Variants in NIPAL2 observed in about 807,000 individuals in gnomAD.
The protein encoded by NIPAL2 is NIPA like domain containing 2, also known as NIPA-like protein 2.
In NIPAL2, 43 loss-of-function variants were observed where a neutral mutation model predicts 48.9. The observed-to-expected ratio is 0.88, with a 90% CI of 0.69 to 1.13. NIPAL2 has a LOEUF of 1.13. Among genes scored for constraint, NIPAL2 ranks in the 50% most tolerant of loss-of-function variants. The probability of loss-of-function intolerance (pLI) is 0.00; values close to 1 mark genes in which losing one functional copy is unlikely to be tolerated. For missense variants in NIPAL2, 446 were observed against 461.4 expected (o/e 0.97, Z 0.31); for synonymous variants, 167 against 174.6 (o/e 0.96, Z 0.34).
intron 3 of NIPAL2, among the ~76,000 whole-genome samples, chr8:98,238,566 C>A (rs907055260): frequency 6.6e-6 from 1 of 151,600 alleles, no homozygotes; most frequent in South Asian, 2.1e-4. Flanking sequence ...AAGTCCACAC[C>A]AGAAACCCTC....
At chr8:98,225,396 T>C (rs1812118850) in intron 4 of NIPAL2, among the ~76,000 whole-genome samples, 1 of 152,216 alleles carries the variant, frequency 6.6e-6, no homozygotes, top group Non-Finnish European at 1.5e-5. Flanking sequence ...CTAAAAGTGG[T>C]ATGAAACGTC....
At chr8:98,229,127 A>G (rs1262335346) in intron 4 of NIPAL2, among the ~76,000 whole-genome samples, 2 of 152,204 alleles carry the variant, frequency 1.3e-5, no homozygotes, top group Non-Finnish European at 2.9e-5. Context: ...ATGGGATGCC[A>G]TCCTCTGCCC....
intron 3 of NIPAL2, among the ~76,000 whole-genome samples, chr8:98,248,504 C>T (rs1331187568): frequency 1.3e-5 from 2 of 152,212 alleles, no homozygotes; most frequent in African/African-American, 4.8e-5. Flanking sequence ...ATGGGAACTA[C>T]TTTCATTCCC....
intron 1 of NIPAL2, among the ~76,000 whole-genome samples, chr8:98,291,358 C>CT (rs1816479441): frequency 6.6e-6 from 1 of 152,132 alleles, no homozygotes. Flanking sequence ...CTGCAGTGCC[C>CT]TACACTGTGC....
At chr8:98,229,601 C>T (rs1417629288) in intron 4 of NIPAL2, among the ~76,000 whole-genome samples, 1 of 152,146 alleles carries the variant, frequency 6.6e-6, no homozygotes, top group Non-Finnish European at 1.5e-5. Flanking sequence ...TGGTCTCGAA[C>T]TCCTGGTCTC....
chr8:98,265,291 T>G (rs1337324570), intron 1 of NIPAL2, among the ~76,000 whole-genome samples: 1 of 150,984 alleles, frequency 6.6e-6, no homozygotes, highest in African/African-American at 2.4e-5. Context: ...AGGATCTAAT[T>G]AAACTAAAGA....
chr8:98,202,705 C>T (rs971297010), intron 8 of NIPAL2, among the ~76,000 whole-genome samples: 1 of 152,148 alleles, frequency 6.6e-6, no homozygotes, highest in African/African-American at 2.4e-5. Context: ...GGCAAATAAA[C>T]CTCTTTTAAA....
intron 1 of NIPAL2, among the ~76,000 whole-genome samples, chr8:98,258,254 G>T (rs1814027939): frequency 6.6e-6 from 1 of 152,156 alleles, no homozygotes; most frequent in African/African-American, 2.4e-5. Context: ...GGGAGTTTGT[G>T]TTTAATGGGT....
intron 3 of NIPAL2, among the ~76,000 whole-genome samples, chr8:98,242,488 ATTTTTT>A (rs568464494): frequency 2.5e-5 from 3 of 117,782 alleles, no homozygotes; most frequent in Non-Finnish European, 5.1e-5. Context: ...CACCTGACAG[ATTTTTT>A]TTTTTTTTTT....
intron 1 of NIPAL2, among the ~76,000 whole-genome samples, chr8:98,260,915 C>A (rs1814278002): frequency 6.6e-6 from 1 of 151,712 alleles, no homozygotes; most frequent in South Asian, 2.1e-4. Flanking sequence ...GTTCTCCCAG[C>A]ACGCAGCTGG....
At chr8:98,196,229 T>C (rs1810539160) in intron 8 of NIPAL2, among the ~76,000 whole-genome samples, 1 of 152,222 alleles carries the variant, frequency 6.6e-6, no homozygotes, top group Non-Finnish European at 1.5e-5. Context: ...TTATCATTAT[T>C]ATAAAAGAAA....
At chr8:98,283,673 G>C (rs1312447777) in intron 1 of NIPAL2, among the ~76,000 whole-genome samples, 1 of 152,164 alleles carries the variant, frequency 6.6e-6, no homozygotes, top group Non-Finnish European at 1.5e-5. Context: ...GCAAAAGCTG[G>C]ATGCTGTGAG....
intron 10 of NIPAL2, chr8:98,193,296 A>T (rs1387944646): frequency 1.2e-5 from 17 of 1,441,532 alleles, no homozygotes; most frequent in Non-Finnish European, 1.7e-5. Context: ...TCTGTGTCAG[A>T]GCCACTATCC....
intron 1 of NIPAL2, among the ~76,000 whole-genome samples, chr8:98,267,878 T>C (rs1191536197): frequency 6.6e-6 from 1 of 152,130 alleles, no homozygotes; most frequent in East Asian, 1.9e-4. Context: ...AGGCAAAAAT[T>C]TAGAGATTTA....
intron 1 of NIPAL2, among the ~76,000 whole-genome samples, chr8:98,267,297 A>G (rs1176287141): frequency 3.3e-5 from 5 of 151,778 alleles, no homozygotes; most frequent in Non-Finnish European, 7.4e-5. Flanking sequence ...TTACAGATGT[A>G]GGTACAACTA....
At chr8:98,285,292 T>A (rs1816087844) in intron 1 of NIPAL2, among the ~76,000 whole-genome samples, 1 of 152,178 alleles carries the variant, frequency 6.6e-6, no homozygotes, top group Non-Finnish European at 1.5e-5. Flanking sequence ...TGTTGGGGCA[T>A]ACAGTGCCCT....
intron 3 of NIPAL2, among the ~76,000 whole-genome samples, chr8:98,248,169 G>A (rs1813401028): frequency 6.6e-6 from 1 of 152,170 alleles, no homozygotes; most frequent in Non-Finnish European, 1.5e-5. Context: ...AAGGGTAATT[G>A]CTACTTAATT....
In NIPAL2 at chr8:98,191,916, G is replaced by A. The variant is rs1410510637; in HGVS notation, c.*1062C>T. ...TACAGGTTTAAATGGCTGAAATTCA[G>A]TTCTCTAATCACAACTCTCCTTTTA... On this transcript the variant is annotated 3_prime_UTR_variant, in exon 11 of 11. Transcript: ENST00000430223. 2 of 152,162 alleles carry A rather than the reference G, an allele frequency of 1.3e-5. No individual in the cohort carries two copies. The highest frequency in any genetic ancestry group is 2.9e-5 in the Non-Finnish European group (2 of 68,040). 9.4% of individuals were successfully genotyped at this position (152,162 alleles called of 1,614,324 possible).
chr8:98,293,246 T>C (rs1816586117), intron 1 of NIPAL2, among the ~76,000 whole-genome samples: 1 of 152,178 alleles, frequency 6.6e-6, no homozygotes, highest in Non-Finnish European at 1.5e-5. Context: ...GGAGGAAGCC[T>C]GGAATCCACC....
Sources: gnomAD v4.1 joint callset for allele counts (sites outside exome capture counted in the v4.1 genomes callset) on GRCh38, gnomAD v4.1.1 for gene constraint, MANE v1.5 for transcripts, NCBI Gene and HGNC (gene_info 2026-07-23, HGNC 2026-07-21) for gene names.